Variants in GLT8D2 observed in about 807,000 individuals in gnomAD.
The protein encoded by GLT8D2 is glycosyltransferase 8 domain-containing protein 2.
In GLT8D2, 45 loss-of-function variants were observed where a neutral mutation model predicts 44.5. That is an observed-to-expected ratio of 1.01 (90% CI 0.80 to 1.30). The LOEUF (loss-of-function observed/expected upper bound fraction) is 1.30. GLT8D2 is among the 50% of genes most tolerant of loss of function. The probability of loss-of-function intolerance (pLI) is 0.00; values close to 1 mark genes in which losing one functional copy is unlikely to be tolerated. For missense variants in GLT8D2, 400 were observed against 430.4 expected (o/e 0.93, Z 0.62); for synonymous variants, 156 against 157.2 (o/e 0.99, Z 0.06).
At chr12:104,040,037 T>C (rs1880360856) in intron 1 of GLT8D2, among the ~76,000 whole-genome samples, 1 of 152,076 alleles carries the variant, frequency 6.6e-6, no homozygotes, top group Non-Finnish European at 1.5e-5. Flanking sequence ...GAGCAAACTA[T>C]CACAAGGACA....
At position 104,002,787 on chromosome 12, in the gene GLT8D2, A is replaced by G. The variant is rs995338322; in HGVS notation, c.284+348T>C. Among the ~76,000 whole-genome samples, 9 of 152,238 alleles carry G rather than the reference A, an allele frequency of 5.9e-5. 1 individual carries two copies. In the South Asian group the frequency reaches 1.9e-3, roughly 32 times the overall value. ...AGAGAGACTCGCTCTCCACAAAAAA[A>G]TTAGAAAATGAGCTGGGTGTGGTAG... On this transcript the variant is annotated intron_variant, in intron 5 of 10. Transcript: ENST00000360814.
At chr12:104,049,396 G>A (rs528860778) in intron 1 of GLT8D2, 1 of 151,916 alleles carries the variant, frequency 6.6e-6, no homozygotes, top group Non-Finnish European at 1.5e-5. Flanking sequence ...CAAACACCAC[G>A]ACTACTGTAT....
chr12:104,035,791 A>G (rs1194513961), intron 1 of GLT8D2, among the ~76,000 whole-genome samples: 1 of 152,214 alleles, frequency 6.6e-6, no homozygotes, highest in African/African-American at 2.4e-5. Flanking sequence ...AAGGCAGGCC[A>G]ACATTCAAAT....
At chr12:104,062,072 T>C (rs1163665575) in intron 1 of GLT8D2, among the ~76,000 whole-genome samples, 2 of 151,820 alleles carry the variant, frequency 1.3e-5, no homozygotes, top group Non-Finnish European at 2.9e-5. Flanking sequence ...TTGGGGTTTT[T>C]GTTTGTTTGT....
At chr12:104,014,963 C>T in intron 4 of GLT8D2, 50 bp downstream of exon 4, 1 of 1,358,338 alleles carries the variant, frequency 7.4e-7, no homozygotes. Flanking sequence ...GGAACATATT[C>T]AAACCACATT....
chr12:103,997,687 GCTTC>G, intron 6 of GLT8D2, 152 bp from the exon 7 acceptor site: 1 of 610,348 alleles, frequency 1.6e-6, no homozygotes. Context: ...TCTCATCTGA[GCTTC>G]CCAGTGCCCA....
intron 1 of GLT8D2, among the ~76,000 whole-genome samples, chr12:104,035,307 G>A (rs1038762158): frequency 2.0e-5 from 3 of 152,234 alleles, no homozygotes; most frequent in African/African-American, 4.8e-5. Context: ...AAAGCTGGAC[G>A]GAGAATGACT....
chr12:103,994,702 T>A (rs746936806), intron 8 of GLT8D2, among the ~76,000 whole-genome samples: 8 of 152,172 alleles, frequency 5.3e-5, no homozygotes, highest in Admixed American at 6.6e-5. Flanking sequence ...TAAGTCTGAG[T>A]GCAGCACTAG....
At chr12:104,040,926 G>A (rs2136472896) in intron 1 of GLT8D2, among the ~76,000 whole-genome samples, 1 of 152,256 alleles carries the variant, frequency 6.6e-6, no homozygotes, top group South Asian at 2.1e-4. Context: ...TTCTGGCAAG[G>A]TGTTAGAGAT....
chr12:104,042,571 G>A (rs1033738625), intron 1 of GLT8D2, among the ~76,000 whole-genome samples: 3 of 152,156 alleles, frequency 2.0e-5, no homozygotes, highest in African/African-American at 7.2e-5. Context: ...ATTAAGAGAG[G>A]GATCAGAGTT....
intron 1 of GLT8D2, among the ~76,000 whole-genome samples, chr12:104,021,841 GGAAGGAGAAGGA>G (rs142102172): frequency 9.5e-6 from 1 of 105,256 alleles, no homozygotes; most frequent in African/African-American, 3.5e-5. Flanking sequence ...GAGAAAGGAA[GGAAGGAGAAGGA>G]GAAGGAGAAG....
intron 1 of GLT8D2, chr12:104,031,600 C>G (rs1879267621): frequency 5.0e-6 from 8 of 1,589,070 alleles, no homozygotes; most frequent in Non-Finnish European, 6.0e-6. Context: ...TCTTGTCCCT[C>G]TGCCCCTCCC....
At chr12:104,039,094 A>G (rs1454961754) in intron 1 of GLT8D2, among the ~76,000 whole-genome samples, 1 of 152,096 alleles carries the variant, frequency 6.6e-6, no homozygotes, top group African/African-American at 2.4e-5. Flanking sequence ...CTAGCCATAC[A>G]TAGAAAGCTG....
At chr12:104,022,268 T>C (rs920015804) in intron 1 of GLT8D2, among the ~76,000 whole-genome samples, 6 of 151,812 alleles carry the variant, frequency 4.0e-5, no homozygotes, top group Non-Finnish European at 7.4e-5. Context: ...CCCAGATAAA[T>C]ATCAGGAGAG....
At chr12:104,049,208 A>G (rs1423266465) in intron 1 of GLT8D2, among the ~76,000 whole-genome samples, 1 of 151,820 alleles carries the variant, frequency 6.6e-6, no homozygotes, top group Non-Finnish European at 1.5e-5. Flanking sequence ...GCACATCCAG[A>G]CATTCAGATA....
At chr12:104,054,519 T>C (rs1882009637), upstream of GLT8D2, among the ~76,000 whole-genome samples, 1 of 151,720 alleles carries the variant, frequency 6.6e-6, no homozygotes, top group African/African-American at 2.4e-5. Context: ...TTCAAAGAGA[T>C]ATCTGCCTCC....
rs543743770 is a variant in GLT8D2, at chr12:103,991,904, T to A, written c.880+1488A>T. Among the ~76,000 whole-genome samples the A allele has an allele frequency of 1.3e-4, 19 of 151,874 alleles. No homozygotes were observed. The South Asian group carries it at 3.5e-3, about 28-fold the overall frequency. On this transcript the variant is annotated intron_variant, in intron 10 of 10. Transcript: ENST00000360814. ...TGAGAATTAGAAATAATATTCACCT[T>A]CCTTAACAGAACCTAGTCCAGTTCT... is the stretch of plus-strand genomic sequence containing the variant.
intron 1 of GLT8D2, among the ~76,000 whole-genome samples, chr12:104,044,356 T>G (rs1880868053): frequency 6.6e-6 from 1 of 152,212 alleles, no homozygotes; most frequent in Non-Finnish European, 1.5e-5. Flanking sequence ...AATGACAGAC[T>G]ATAAGCCCCA....
At chr12:104,006,500 A>G (rs540841268) in intron 4 of GLT8D2, among the ~76,000 whole-genome samples, 1 of 152,306 alleles carries the variant, frequency 6.6e-6, no homozygotes, top group African/African-American at 2.4e-5. Context: ...TGTATTTCAA[A>G]CTAACTCCTC....
Sources: gnomAD v4.1 joint callset for allele counts (sites outside exome capture counted in the v4.1 genomes callset) on GRCh38, gnomAD v4.1.1 for gene constraint, MANE v1.5 for transcripts, NCBI Gene and HGNC (gene_info 2026-07-23, HGNC 2026-07-21) for gene names.